The following C5AR2 variants were observed in gnomAD, a reference collection of about 807,000 sequenced individuals.
C5AR2 encodes C5a anaphylatoxin chemotactic receptor 2.
For missense variants in C5AR2, 458 were observed against 467.5 expected (o/e 0.98, Z 0.19); for synonymous variants, 224 against 216.5 (o/e 1.03, Z -0.30).
chr19:47,340,493 C>A (rs555131635), intron 1 of C5AR2, among the ~76,000 whole-genome samples: 1 of 152,042 alleles, frequency 6.6e-6, no homozygotes, highest in Non-Finnish European at 1.5e-5. Context: ...GTGCCCGCCA[C>A]CACACCCAGC....
rs187458749 is a variant in C5AR2, at chr19:47,336,215, G to A, written c.-16+3866G>A. On this transcript the variant is annotated intron_variant, in intron 1 of 1. Coordinates refer to ENST00000595464, the MANE Select transcript of C5AR2 (RefSeq NM_001271749.2). ...AGCGATTCTCTTGCCTCAGTCTCCC[G>A]AGTAGCTGGAATTACAGGAGCCCAC... Among the ~76,000 whole-genome samples, 255 of 151,472 alleles carry A rather than the reference G, an allele frequency of 1.7e-3. 5 individuals carry two copies. The highest frequency in any genetic ancestry group is 5.7e-3 in the African/African-American group (237 of 41,232).
At position 47,340,748 on chromosome 19, in the gene C5AR2, C is replaced by T. The variant is rs550537192; in HGVS notation, c.-15-37C>T. On this transcript the variant is annotated intron_variant, in intron 1 of 1. Coordinates refer to ENST00000595464, the MANE Select transcript of C5AR2 (RefSeq NM_001271749.2). ...TAGATCTCCAGGGCCATGGAGTTTC[C>T]TCCTCTGAGTTTTCATCGTCTTTCT... The T allele has an allele frequency of 7.7e-5, 124 of 1,604,124 alleles. 1 individual carries two copies. The African/African-American group carries it at 1.6e-3, about 20-fold the overall frequency.
At chr19:47,338,137 G>A (rs527838050) in intron 1 of C5AR2, among the ~76,000 whole-genome samples, 7 of 151,960 alleles carry the variant, frequency 4.6e-5, no homozygotes, top group African/African-American at 1.7e-4. Flanking sequence ...TTAAAGCTGC[G>A]TGGTGGCCAC....
intron 1 of C5AR2, among the ~76,000 whole-genome samples, chr19:47,339,019 T>C (rs2059371303): frequency 6.6e-6 from 1 of 151,746 alleles, no homozygotes; most frequent in Non-Finnish European, 1.5e-5. Flanking sequence ...CCAGGTGTGG[T>C]GGCATGTACC....
At chr19:47,332,406 G>C (rs1003334836) in intron 1 of C5AR2, 57 bp downstream of exon 1, 6 of 152,252 alleles carry the variant, frequency 3.9e-5, no homozygotes, top group African/African-American at 1.2e-4. Context: ...CATGATCTTG[G>C]CTTCTCGGAA....
chr19:47,335,697 G>A (rs551492798), intron 1 of C5AR2, among the ~76,000 whole-genome samples: 7 of 145,188 alleles, frequency 4.8e-5, no homozygotes, highest in South Asian at 4.5e-4. Context: ...ATGCGAACCC[G>A]GGAGGTGGAG....
At chr19:47,335,887 G>T (rs560164331) in intron 1 of C5AR2, among the ~76,000 whole-genome samples, 1 of 148,494 alleles carries the variant, frequency 6.7e-6, no homozygotes, top group East Asian at 2.0e-4. Context: ...TGTGGACAGT[G>T]ATAACAGCAG....
intron 1 of C5AR2, among the ~76,000 whole-genome samples, chr19:47,340,023 T>C (rs904125041): frequency 1.3e-5 from 2 of 151,962 alleles, no homozygotes; most frequent in Non-Finnish European, 2.9e-5. Context: ...AGTGCAGGGG[T>C]ATGATCAAGC....
At chr19:47,337,554 CAGG>C (rs1432366484) in intron 1 of C5AR2, among the ~76,000 whole-genome samples, 3 of 151,770 alleles carry the variant, frequency 2.0e-5, no homozygotes, top group African/African-American at 7.3e-5. Flanking sequence ...CCCAGCTACT[CAGG>C]AGGCTGAGGC....
At chr19:47,336,466 TTCCTTCCTTCCTTCCTTCCTTC>T (rs2059358497) in intron 1 of C5AR2, among the ~76,000 whole-genome samples, 6 of 145,936 alleles carry the variant, frequency 4.1e-5, no homozygotes, top group African/African-American at 1.6e-4. Context: ...CCTTCCTTCC[TTCCTTCCTTCCTTCCTTCCTTC>T]CTTTCTTTCT....
At chr19:47,337,391 C>T (rs948067655) in intron 1 of C5AR2, among the ~76,000 whole-genome samples, 1 of 152,136 alleles carries the variant, frequency 6.6e-6, no homozygotes. Flanking sequence ...GGGCTGGGCG[C>T]GGTGGCTCAT....
At chr19:47,336,534 G>T (rs1382281053) in intron 1 of C5AR2, among the ~76,000 whole-genome samples, 2 of 143,352 alleles carry the variant, frequency 1.4e-5, no homozygotes, top group African/African-American at 5.2e-5. Flanking sequence ...TTGGGACAGG[G>T]TCTCACTCTG....
chr19:47,339,616 C>T (rs909091951), intron 1 of C5AR2, among the ~76,000 whole-genome samples: 2 of 152,142 alleles, frequency 1.3e-5, no homozygotes, highest in African/African-American at 2.4e-5. Flanking sequence ...TGTGCCCGGC[C>T]CCTGATGACT....
rs1252349813 is a variant in C5AR2, at chr19:47,346,080, G to C, written c.*4267G>C. 1 of 151,976 alleles carries C rather than the reference G, an allele frequency of 6.6e-6. No homozygotes were observed. Among genetic ancestry groups the C allele is most frequent in the African/African-American group, 2.4e-5 (1 of 41,370 alleles). 9.4% of individuals were successfully genotyped at this position (151,976 alleles called of 1,614,324 possible). The stretch of plus-strand genomic sequence containing the variant: ...ATTTTTGTATTTTTTAGTAGAGATG[G>C]GGTTTCGCCATATTAGCCAGGCTGG... On this transcript the variant is annotated 3_prime_UTR_variant, in exon 2 of 2. Transcript: ENST00000595464.
chr19:47,343,575 G>C lies in C5AR2; in HGVS notation c.*1762G>C, dbSNP rs1321371798. 1 of 152,128 alleles carries C rather than the reference G, an allele frequency of 6.6e-6. No individual in the cohort carries two copies. The highest frequency in any genetic ancestry group is 2.4e-5 in the African/African-American group (1 of 41,410). 9.4% of individuals were successfully genotyped at this position (152,128 alleles called of 1,614,324 possible). A position where few individuals can be genotyped will look rare whatever the true frequency, so the allele number is the denominator to read the frequency against. On this transcript the variant is annotated 3_prime_UTR_variant, in exon 2 of 2. Coordinates refer to ENST00000595464, the MANE Select transcript of C5AR2 (RefSeq NM_001271749.2). ...AATCTCAGCACTTTGGGAGGCCGAG[G>C]TGGGAGGATTGCATGAGCCCAGGAG...
rs34085015 is a variant in C5AR2, at chr19:47,341,642, C to T, written c.843C>T (p.Leu281=). 1,861 of 1,614,082 alleles carry T rather than the reference C, an allele frequency of 1.2e-3. 16 individuals are homozygous for T. In the African/African-American group the frequency reaches 0.022, roughly 19 times the overall value. The part of the protein sequence containing the change: ...RAEPLIVGLA[L]AHSCLNPMLF... ...AACCCCTCATCGTGGGCCTTGCCCTCGCTCACAGCTGCCTCAATCCCATGC... is the reference window on the plus strand; with the variant it reads ...AACCCCTCATCGTGGGCCTTGCCCTTGCTCACAGCTGCCTCAATCCCATGC... Residue 281 remains leucine, a synonymous_variant, in exon 2 of 2, where the codon CTC becomes CTT. Transcript: ENST00000595464. The surrounding 1 kb of genome is among the most constrained non-coding windows in gnomAD (Gnocchi z 4.6).
chr19:47,340,702 G>C, intron 1 of C5AR2, 83 bp from the exon 2 acceptor site: 1 of 1,280,838 alleles, frequency 7.8e-7, no homozygotes, highest in Non-Finnish European at 1.1e-6. Flanking sequence ...AGGTGCTGGT[G>C]GGCCGGGCTG....
In C5AR2 at chr19:47,341,124, G is replaced by C. The variant is rs753008386; in HGVS notation, c.325G>C (p.Ala109Pro). 1 of 1,602,832 alleles carries C rather than the reference G, an allele frequency of 6.2e-7. No homozygotes were observed. Among genetic ancestry groups the C allele is most frequent in the Non-Finnish European group, 8.5e-7 (1 of 1,179,890 alleles). Residue 109 changes from alanine to proline, a missense_variant, in exon 2 of 2, where the codon GCG (alanine) becomes CCG (proline). Transcript: ENST00000595464. The surrounding 1 kb of genome is among the most constrained non-coding windows in gnomAD (Gnocchi z 4.6). ...GCCGTATGGTGCAGTGGGCTGTCGG[G>C]CGCTGCCCTCCATCATCCTGCTGAC... ...HWPYGAVGCR[A>P]LPSIILLTMY...
intron 1 of C5AR2, among the ~76,000 whole-genome samples, chr19:47,337,900 G>C (rs982158147): frequency 7.9e-5 from 12 of 151,328 alleles, no homozygotes; most frequent in Middle Eastern, 3.4e-3. Context: ...GTGAAACCCC[G>C]TCTCTACTAA....
Sources: allele counts gnomAD v4.1 joint callset (sites outside exome capture counted in the v4.1 genomes callset), GRCh38; gene constraint gnomAD v4.1.1; non-coding constraint Gnocchi (gnomAD v3.1); transcripts MANE v1.5; gene names NCBI Gene and HGNC (gene_info 2026-07-23, HGNC 2026-07-21).